The following MBOAT1 variants were observed in gnomAD, a reference collection of about 807,000 sequenced individuals.
MBOAT1 encodes membrane bound glycerophospholipid O-acyltransferase 1.
Under a neutral mutation model 64.4 loss-of-function variants are expected in MBOAT1, and 67 were observed. The ratio of observed to expected loss-of-function variants is 1.04; its 90% CI spans 0.85 to 1.27. The LOEUF (loss-of-function observed/expected upper bound fraction) is 1.27, where lower values mean the gene tolerates loss of function less well. Among genes scored for constraint, MBOAT1 ranks in the 50% most tolerant of loss-of-function variants. The pLI, the probability that MBOAT1 is intolerant of heterozygous loss-of-function variation, is 0.00. For missense variants in MBOAT1, 563 were observed against 604.6 expected, an observed-to-expected ratio of 0.93 and a Z score of 0.72; for synonymous variants, 229 against 218.9, an observed-to-expected ratio of 1.05 and a Z score of -0.41.
chr6:20,172,460 T>C (rs1358533312), intron 1 of MBOAT1, among the ~76,000 whole-genome samples: 1 of 152,100 alleles, frequency 6.6e-6, no homozygotes, highest in Admixed American at 6.5e-5. Context: ...CAAAAAATTG[T>C]TGATTCCTAG....
intron 1 of MBOAT1, among the ~76,000 whole-genome samples, chr6:20,208,244 G>A (rs1279274535): frequency 3.3e-5 from 5 of 151,626 alleles, no homozygotes; most frequent in East Asian, 1.9e-4. Flanking sequence ...TCAGGAGTTC[G>A]AGACCAGCCT....
chr6:20,199,975 A>C (rs556952352), intron 1 of MBOAT1, among the ~76,000 whole-genome samples: 70 of 152,338 alleles, frequency 4.6e-4, no homozygotes, highest in African/African-American at 1.6e-3. Flanking sequence ...CTCAAAAAAA[A>C]ATAAAATAAT....
chr6:20,141,283 G>A (rs1761162708), intron 4 of MBOAT1, among the ~76,000 whole-genome samples: 1 of 151,912 alleles, frequency 6.6e-6, no homozygotes. Flanking sequence ...AGAAGATAAA[G>A]GCTTGGCAGG....
intron 12 of MBOAT1, among the ~76,000 whole-genome samples, chr6:20,106,670 C>T (rs946674303): frequency 2.0e-5 from 3 of 152,194 alleles, no homozygotes; most frequent in African/African-American, 7.2e-5. Flanking sequence ...AATCCACTTG[C>T]CTCTGCCTCC....
chr6:20,106,226 C>T (rs1019254744), intron 12 of MBOAT1, among the ~76,000 whole-genome samples: 5 of 152,192 alleles, frequency 3.3e-5, no homozygotes, highest in African/African-American at 9.7e-5. Flanking sequence ...ATTATGAAAA[C>T]ACTGTTTGAG....
At chr6:20,137,717 AACACACAC>A (rs35794753) in intron 4 of MBOAT1, among the ~76,000 whole-genome samples, 4 of 149,966 alleles carry the variant, frequency 2.7e-5, no homozygotes, top group Admixed American at 2.0e-4. Context: ...CCCAAAATTA[AACACACAC>A]ACACACACAC....
intron 1 of MBOAT1, among the ~76,000 whole-genome samples, chr6:20,201,061 G>C (rs1257149300): frequency 6.6e-6 from 1 of 152,208 alleles, no homozygotes; most frequent in African/African-American, 2.4e-5. Context: ...GATCTCTAGA[G>C]CTGTCCTGCT....
chr6:20,152,784 G>C lies in MBOAT1; in HGVS notation c.100-15C>G. On this transcript the variant is annotated splice_polypyrimidine_tract_variant and intron_variant, in intron 1 of 12. Transcript: ENST00000324607. ...ACAAAATTCACCTGTGGCAGGGGAA[G>C]AGAAAATAAAAACCTTTGTGTGAAT... 1 of 1,591,574 alleles carries C rather than the reference G, an allele frequency of 6.3e-7. No individual in the cohort carries two copies. Among genetic ancestry groups the C allele is most frequent in the South Asian group, 1.1e-5 (1 of 87,042 alleles).
At chr6:20,115,921 G>A (rs145027328) in intron 9 of MBOAT1, among the ~76,000 whole-genome samples, 2,180 of 151,942 alleles carry the variant, frequency 0.014, 21 homozygotes, top group Non-Finnish European at 0.022. Context: ...TCACCCAACC[G>A]GCAGTGGCGC....
chr6:20,169,652 C>T (rs188869213), intron 1 of MBOAT1, among the ~76,000 whole-genome samples: 1 of 151,860 alleles, frequency 6.6e-6, no homozygotes, highest in Non-Finnish European at 1.5e-5. Flanking sequence ...CCTTATCCCA[C>T]CCAACAGCAA....
At chr6:20,145,564 C>T (rs2113683131) in intron 3 of MBOAT1, among the ~76,000 whole-genome samples, 1 of 152,322 alleles carries the variant, frequency 6.6e-6, no homozygotes, top group Middle Eastern at 3.4e-3. Context: ...TTAAAAGTCT[C>T]CAGTGGATCC....
chr6:20,204,962 T>C (rs1581469764), intron 1 of MBOAT1, among the ~76,000 whole-genome samples: 2 of 152,098 alleles, frequency 1.3e-5, no homozygotes, highest in East Asian at 3.9e-4. Context: ...TTTGGGAGGC[T>C]GAGGTGAGAG....
chr6:20,169,734 C>T (rs1211689471), intron 1 of MBOAT1, among the ~76,000 whole-genome samples: 2 of 152,158 alleles, frequency 1.3e-5, no homozygotes, highest in African/African-American at 2.4e-5. Flanking sequence ...ATAATAAACA[C>T]GTTTTCCTGT....
At chr6:20,184,880 A>AGTGTGTGTGTGTGTGTGTGT (rs58865791) in intron 1 of MBOAT1, among the ~76,000 whole-genome samples, 71 of 142,974 alleles carry the variant, frequency 5.0e-4, no homozygotes, top group Middle Eastern at 3.6e-3. Flanking sequence ...TTATAACTGC[A>AGTGTGTGTGTGTGTGTGTGT]GTGTGTGTGT....
Position 20,124,507 on chromosome 6 carries a change from C to T in MBOAT1, c.808G>A (p.Asp270Asn). ...AAGCTTGCTTTATGGACAAACCAGT[C>T]ATCCACAAGGCAGGTGACAGGAAAG... ...KTFPVTCLVD[D>N]WFVHKASFPA... Residue 270 changes from aspartate (D) to asparagine (N), a missense_variant, in exon 8 of 13, where the codon GAC becomes AAC. Physicochemically the swap from Asp to Asn is conservative, Grantham distance 23 (BLOSUM62 1). Transcript: ENST00000324607. 1 of 1,614,186 alleles carries T rather than the reference C, an allele frequency of 6.2e-7. No individual in the cohort carries two copies. Among genetic ancestry groups the T allele is most frequent in the Non-Finnish European group, 8.5e-7 (1 of 1,180,036 alleles).
chr6:20,179,938 T>A (rs1282387628), intron 1 of MBOAT1, among the ~76,000 whole-genome samples: 2 of 152,196 alleles, frequency 1.3e-5, no homozygotes, highest in Non-Finnish European at 2.9e-5. Flanking sequence ...TTCATATGTT[T>A]ATTGACCATA....
chr6:20,198,227 CAAAA>C (rs5874758), intron 1 of MBOAT1, among the ~76,000 whole-genome samples: 1 of 125,608 alleles, frequency 8.0e-6, no homozygotes, highest in Non-Finnish European at 1.7e-5. Flanking sequence ...GACTGTGTCT[CAAAA>C]AAAAAAAAAA....
At chr6:20,157,843 A>G (rs1237810481) in intron 1 of MBOAT1, among the ~76,000 whole-genome samples, 1 of 152,204 alleles carries the variant, frequency 6.6e-6, no homozygotes, top group Non-Finnish European at 1.5e-5. Flanking sequence ...AAGAGTAACA[A>G]CGTGGGTGGC....
At chr6:20,141,009 C>T (rs1317521332) in intron 4 of MBOAT1, among the ~76,000 whole-genome samples, 3 of 152,098 alleles carry the variant, frequency 2.0e-5, no homozygotes, top group Non-Finnish European at 4.4e-5. Context: ...AGGCAAGAGA[C>T]CTCCTGCTAC....
Sources: allele counts gnomAD v4.1 joint callset (sites outside exome capture counted in the v4.1 genomes callset), GRCh38; gene constraint gnomAD v4.1.1; transcripts MANE v1.5; gene names NCBI Gene and HGNC (gene_info 2026-07-23, HGNC 2026-07-21).